JPH2: variants seen among roughly 807,000 people sequenced by gnomAD.
The protein encoded by JPH2 is junctophilin 2.
A neutral mutation model predicts 55.9 loss-of-function variants in JPH2; 38 were observed. The ratio of observed to expected loss-of-function variants is 0.68; its 90% CI spans 0.52 to 0.89. The LOEUF (loss-of-function observed/expected upper bound fraction) is 0.89. Ranked by LOEUF, JPH2 falls within the 40% of genes least tolerant of loss-of-function variation. The pLI is 0.00. For missense variants in JPH2, 964 were observed against 1,037.6 expected (o/e 0.93, Z 0.97); for synonymous variants, 480 against 472.4 (o/e 1.02, Z -0.21).
chr20:44,128,169 G>A (rs917682682), intron 2 of JPH2, among the ~76,000 whole-genome samples: 15 of 152,090 alleles, frequency 9.9e-5, no homozygotes, highest in Non-Finnish European at 1.5e-4. Flanking sequence ...AGCTAAGAAG[G>A]TTTTGCCTAA....
intron 2 of JPH2, among the ~76,000 whole-genome samples, chr20:44,121,190 G>A (rs1024478800): frequency 1.3e-5 from 2 of 152,140 alleles, no homozygotes; most frequent in Non-Finnish European, 2.9e-5. Flanking sequence ...AAACACATAC[G>A]TTAGGCCCCT....
chr20:44,184,486 G>A (rs1020866152), intron 1 of JPH2, among the ~76,000 whole-genome samples: 10 of 152,160 alleles, frequency 6.6e-5, no homozygotes, highest in Non-Finnish European at 1.5e-4. Context: ...GAAGGTCTGG[G>A]TGGGCCACTG....
intron 1 of JPH2, 107 bp downstream of exon 1, chr20:44,186,220 G>A: frequency 7.8e-7 from 1 of 1,276,318 alleles, no homozygotes; most frequent in East Asian, 2.3e-5. Context: ...TCACTTCCTA[G>A]CCCATCTGAT....
chr20:44,151,707 C>A (rs1240379417), intron 2 of JPH2, among the ~76,000 whole-genome samples: 3 of 152,106 alleles, frequency 2.0e-5, no homozygotes, highest in Non-Finnish European at 1.5e-5. Context: ...GCCCCTGGAA[C>A]CTTTTAGCTT....
intron 2 of JPH2, among the ~76,000 whole-genome samples, chr20:44,132,346 A>C (rs2072324773): frequency 3.5e-5 from 3 of 85,296 alleles, no homozygotes; most frequent in Admixed American, 2.9e-4. Context: ...GAAGGGAGGC[A>C]GACAGACAGA....
intron 2 of JPH2, among the ~76,000 whole-genome samples, chr20:44,130,194 T>C (rs761207): frequency 0.78 from 118,407 of 152,062 alleles, 46,292 homozygotes; most frequent in African/African-American, 0.83. Context: ...AAGTCCAGAG[T>C]TGGCTTGAGC....
chr20:44,172,142 A>C (rs550724578), intron 1 of JPH2, among the ~76,000 whole-genome samples: 1 of 152,172 alleles, frequency 6.6e-6, no homozygotes, highest in Non-Finnish European at 1.5e-5. Flanking sequence ...TTCATGGGAA[A>C]AGACTGTAGG....
At chr20:44,183,650 C>T (rs1251441491) in intron 1 of JPH2, among the ~76,000 whole-genome samples, 1 of 152,158 alleles carries the variant, frequency 6.6e-6, no homozygotes, top group Non-Finnish European at 1.5e-5. Context: ...TGGCCACTGT[C>T]AAAAAGAGGA....
intron 2 of JPH2, among the ~76,000 whole-genome samples, chr20:44,147,610 G>C (rs546644868): frequency 2.0e-5 from 3 of 152,210 alleles, no homozygotes; most frequent in African/African-American, 4.8e-5. Context: ...GGTGCAACCC[G>C]GGTGGAAGTA....
chr20:44,131,261 C>G (rs1204678418), intron 2 of JPH2, among the ~76,000 whole-genome samples: 5 of 152,144 alleles, frequency 3.3e-5, no homozygotes, highest in Admixed American at 1.3e-4. Context: ...AGGAATTGAG[C>G]CCCTCAGTCT....
intron 2 of JPH2, among the ~76,000 whole-genome samples, chr20:44,121,637 A>T (rs925039772): frequency 1.3e-5 from 2 of 152,098 alleles, no homozygotes; most frequent in African/African-American, 4.8e-5. Context: ...TCTACAGGGT[A>T]GATGTTATTC....
Position 44,110,646 on chromosome 20 carries a change from G to A in JPH2, c.*2872C>T, listed in dbSNP as rs552950924. Among the ~76,000 whole-genome samples, 1 of 152,220 alleles carries A rather than the reference G, an allele frequency of 6.6e-6. No homozygotes were observed. Among genetic ancestry groups the A allele is most frequent in the African/African-American group, 2.4e-5 (1 of 41,532 alleles). Reference sequence around the variant, plus strand: ...GGGTTTTGCCATGTTGGCCAGGCTGGTCTCAAACTCCTGACCTCAAGTGAT... The same window carrying A: ...GGGTTTTGCCATGTTGGCCAGGCTGATCTCAAACTCCTGACCTCAAGTGAT... On this transcript the variant is annotated 3_prime_UTR_variant, in exon 6 of 6. Coordinates refer to ENST00000372980, the MANE Select transcript of JPH2 (RefSeq NM_020433.5).
Position 44,118,489 on chromosome 20 carries a change from CCCTGGCTGGCCCTA to C in JPH2, c.1288+2_1288+15del. The stretch of plus-strand genomic sequence containing the variant: ...GGATAGCCCTACCCTGCCCATCCTT[CCCTGGCTGGCCCTA>C]CCTGGCTGGTAGAAGTCCGGAGCCA... On this transcript the variant is annotated splice_donor_variant and splice_donor_5th_base_variant and intron_variant, in intron 3 of 5. Transcript: ENST00000372980. LOFTEE classifies it high-confidence loss of function. 1 of 1,598,970 alleles carries C rather than the reference CCCTGGCTGGCCCTA, an allele frequency of 6.3e-7. No homozygotes were observed. Among genetic ancestry groups the C allele is most frequent in the South Asian group, 1.1e-5 (1 of 90,818 alleles).
chr20:44,157,661 T>C (rs2072575249), intron 2 of JPH2, among the ~76,000 whole-genome samples: 1 of 152,184 alleles, frequency 6.6e-6, no homozygotes, highest in Non-Finnish European at 1.5e-5. Context: ...AGAAAATGGA[T>C]CTGGCCAAGG....
rs1250686100 is a variant in JPH2 at position 44,160,079 on chromosome 20, G to A, written c.708C>T (p.Arg236=). 6.5e-7 allele frequency: 1 copy of A among 1,533,366 alleles called. No individual in the cohort carries two copies. The highest frequency in any genetic ancestry group is 8.7e-7 in the Non-Finnish European group (1 of 1,145,196). The allele number at this position is 1,533,366 out of a possible 1,614,324, so 95.0% of individuals were successfully genotyped here. ...LLGKLRRAES[R]TSVGSQRSRV... is the part of the protein sequence containing the mutation. Reference sequence around the variant, plus strand: ...GGCTGCGCTGGCTACCCACGGACGTGCGCGACTCTGCGCGCCGCAGCTTGC... The same window carrying A: ...GGCTGCGCTGGCTACCCACGGACGTACGCGACTCTGCGCGCCGCAGCTTGC... Residue 236 remains arginine (R), a synonymous_variant, in exon 2 of 6, where the codon CGC becomes CGT. Transcript: ENST00000372980. This position sits in a 1 kb window ranked among gnomAD's most constrained non-coding sequence, Gnocchi z 4.9.
chr20:44,165,307 A>G (rs1017763395), intron 1 of JPH2, among the ~76,000 whole-genome samples: 72 of 152,216 alleles, frequency 4.7e-4, no homozygotes, highest in African/African-American at 1.7e-3. Flanking sequence ...AAAAAACAAA[A>G]AAAACAACCC....
chr20:44,113,542 GGGCAGA>G (rs901060301), intron 5 of JPH2, 39 bp from the exon 6 acceptor site: 15 of 152,424 alleles, frequency 9.8e-5, no homozygotes, highest in African/African-American at 3.4e-4. Flanking sequence ...AAGGGAGGGA[GGGCAGA>G]GGCTGGGCCG....
chr20:44,180,926 G>T (rs909764826), intron 1 of JPH2, among the ~76,000 whole-genome samples: 1 of 151,624 alleles, frequency 6.6e-6, no homozygotes, highest in Non-Finnish European at 1.5e-5. Context: ...GGTGGGAACA[G>T]CCAGCCAGCC....
rs113719056 is a variant in JPH2, at chr20:44,118,521, C to T, written c.1272G>A (p.Pro424=). 43 of 1,612,966 alleles carry T rather than the reference C, an allele frequency of 2.7e-5. No homozygotes were observed. In the African/African-American group the frequency reaches 4.0e-4, roughly 15 times the overall value. The change falls in exon 3 of 6, where the codon CCG becomes CCA. Residue 424 remains proline (P), a synonymous_variant. Transcript: ENST00000372980. ...TGGCCCTACCTGGCTGGTAGAAGTC[C>T]GGAGCCAGCTCCCTGGCCAAAGTGC... is the stretch of plus-strand genomic sequence containing the variant. ...IARTLARELA[P]DFYQPGPEYQ...
Sources: allele counts gnomAD v4.1 joint callset (sites outside exome capture counted in the v4.1 genomes callset), GRCh38; gene constraint gnomAD v4.1.1; non-coding constraint Gnocchi (gnomAD v3.1); transcripts MANE v1.5; gene names NCBI Gene and HGNC (gene_info 2026-07-23, HGNC 2026-07-21).